Variants in ACCSL observed in about 807,000 individuals in gnomAD.
The protein encoded by ACCSL is probable inactive 1-aminocyclopropane-1-carboxylate synthase-like protein 2.
ACCSL carries 55 observed loss-of-function variants against 61.7 expected under a neutral mutation model. The ratio of observed to expected loss-of-function variants is 0.89; its 90% CI spans 0.72 to 1.12. ACCSL has a LOEUF of 1.12. Ranked by LOEUF, ACCSL falls within the 50% of genes most tolerant of loss-of-function variation. The pLI, the probability that ACCSL is intolerant of heterozygous loss-of-function variation, is 0.00. For synonymous variants in ACCSL, 258 were observed against 264.3 expected, an observed-to-expected ratio of 0.98 and a Z score of 0.23; for missense variants, 632 against 698.0, an observed-to-expected ratio of 0.91 and a Z score of 1.07.
upstream of ACCSL, among the ~76,000 whole-genome samples, chr11:44,047,766 C>G (rs1375656293): frequency 1.3e-5 from 2 of 152,226 alleles, no homozygotes; most frequent in African/African-American, 4.8e-5. Context: ...TGCTCTTCCT[C>G]AGAACACATC....
chr11:44,011,294 T>C, the ACCSL span, among the ~76,000 whole-genome samples: 13 of 152,202 alleles, frequency 8.5e-5, no homozygotes, highest in African/African-American at 2.9e-4. Flanking sequence ...CTGGCTCCAG[T>C]ACTTCTCCCC....
chr11:44,007,918 TA>T, the ACCSL span, among the ~76,000 whole-genome samples: 2 of 152,106 alleles, frequency 1.3e-5, no homozygotes, highest in Admixed American at 6.5e-5. Context: ...TCTCGACTCC[TA>T]AAACAGCACA....
chr11:44,011,334 T>C, the ACCSL span, among the ~76,000 whole-genome samples: 1 of 152,346 alleles, frequency 6.6e-6, no homozygotes, highest in East Asian at 1.9e-4. Context: ...GCTATGGATT[T>C]ATTAGTGAGC....
chr11:43,931,721 T>C, the ACCSL span, among the ~76,000 whole-genome samples: 1 of 152,192 alleles, frequency 6.6e-6, no homozygotes, highest in African/African-American at 2.4e-5. Flanking sequence ...AGTTAGGTGC[T>C]CAGGAAAAAT....
At chr11:43,950,473 C>T in the ACCSL span, among the ~76,000 whole-genome samples, 5 of 152,104 alleles carry the variant, frequency 3.3e-5, no homozygotes, top group Non-Finnish European at 5.9e-5. Context: ...AAGGCCATCT[C>T]GCCATTCAGC....
the ACCSL span, among the ~76,000 whole-genome samples, chr11:44,022,071 T>C: frequency 6.6e-6 from 1 of 152,212 alleles, no homozygotes; most frequent in Non-Finnish European, 1.5e-5. Context: ...GATTTTTTTT[T>C]TTGCTTAGTT....
At chr11:44,052,969 T>C in intron 6 of ACCSL, 22 bp from the exon 7 acceptor site, 1 of 1,604,080 alleles carries the variant, frequency 6.2e-7, no homozygotes, top group Non-Finnish European at 8.5e-7. Flanking sequence ...GAGACACTTC[T>C]CACATAGTGT....
the ACCSL span, among the ~76,000 whole-genome samples, chr11:43,974,665 G>A: frequency 3.3e-5 from 5 of 152,198 alleles, no homozygotes; most frequent in Non-Finnish European, 5.9e-5. Context: ...TGTTCTCACA[G>A]TGTGCAAGGG....
the ACCSL span, among the ~76,000 whole-genome samples, chr11:43,983,053 G>A: frequency 1.3e-5 from 2 of 152,114 alleles, no homozygotes; most frequent in African/African-American, 2.4e-5. Context: ...CTCTGTCTGG[G>A]GCACACCTAA....
the ACCSL span, chr11:43,943,393 C>G: frequency 2.1e-6 from 3 of 1,399,664 alleles, no homozygotes; most frequent in Non-Finnish European, 2.8e-6. The surrounding 1 kb of genome is among the most constrained non-coding windows in gnomAD (Gnocchi z 4.8). Context: ...GACCGCCGCT[C>G]CTCGCGCGCT....
At chr11:43,970,223 G>A in the ACCSL span, among the ~76,000 whole-genome samples, 1 of 151,902 alleles carries the variant, frequency 6.6e-6, no homozygotes, top group African/African-American at 2.4e-5. Context: ...TTTTATTTTT[G>A]GAAACAGGGT....
the ACCSL span, among the ~76,000 whole-genome samples, chr11:43,986,213 A>G: frequency 2.6e-5 from 4 of 151,776 alleles, no homozygotes; most frequent in South Asian, 8.3e-4. Flanking sequence ...TTTCACCAAC[A>G]CTGCCACCCT....
the ACCSL span, among the ~76,000 whole-genome samples, chr11:43,994,463 A>T: frequency 2.3e-4 from 35 of 151,992 alleles, no homozygotes; most frequent in Non-Finnish European, 4.0e-4. Context: ...CTTAAGTATA[A>T]ATTATTTTTC....
chr11:44,016,118 T>C, the ACCSL span, among the ~76,000 whole-genome samples: 1 of 152,148 alleles, frequency 6.6e-6, no homozygotes, highest in Admixed American at 6.5e-5. Context: ...CAAGCATTGA[T>C]AGGGGCTTTC....
chr11:44,027,951 G>A, the ACCSL span, among the ~76,000 whole-genome samples: 2 of 152,162 alleles, frequency 1.3e-5, no homozygotes, highest in Non-Finnish European at 2.9e-5. Context: ...GATTACTTGA[G>A]GCCAGGAGTG....
At chr11:44,026,254 T>C in the ACCSL span, among the ~76,000 whole-genome samples, 1 of 152,198 alleles carries the variant, frequency 6.6e-6, no homozygotes, top group Non-Finnish European at 1.5e-5. Flanking sequence ...ACAATCTCAA[T>C]TGATCTATCT....
At chr11:43,958,994 G>A in the ACCSL span, among the ~76,000 whole-genome samples, 28 of 152,310 alleles carry the variant, frequency 1.8e-4, no homozygotes, top group African/African-American at 6.0e-4. Context: ...TAGAAGGGCA[G>A]AAAAGGGCCC....
At chr11:43,964,190 A>G in the ACCSL span, among the ~76,000 whole-genome samples, 1 of 152,194 alleles carries the variant, frequency 6.6e-6, no homozygotes, top group Admixed American at 6.5e-5. Context: ...CATGCCTGTA[A>G]TCCCAGCACT....
rs1304939327 is a variant in ACCSL at position 44,048,226 on chromosome 11, A to G, written c.190A>G (p.Ile64Val). The change falls in exon 1 of 14, where the codon ATC becomes GTC. Residue 64 changes from isoleucine (I) to valine (V), a missense_variant. Transcript: ENST00000378832. ...SLEERRHTEA[I>V]CEHEALLSRL... ...GGAGGAAAGGAGGCACACTGAGGCC[A>G]TCTGTGAGCATGAAGCCCTTCTGAG... 2.5e-6 allele frequency: 4 copies of G among 1,614,060 alleles called. No homozygotes were observed. The highest frequency in any genetic ancestry group is 3.4e-6 in the Non-Finnish European group (4 of 1,180,044).
Sources: gnomAD v4.1 joint callset for allele counts (sites outside exome capture counted in the v4.1 genomes callset) on GRCh38, gnomAD v4.1.1 for gene constraint, Gnocchi (gnomAD v3.1) non-coding constraint, MANE v1.5 for transcripts, NCBI Gene and HGNC (gene_info 2026-07-23, HGNC 2026-07-21) for gene names.